TYK2: variants seen among roughly 807,000 people sequenced by gnomAD.
The protein encoded by TYK2 is tyrosine kinase 2, also known as non-receptor tyrosine-protein kinase TYK2.
Under a neutral mutation model 130.9 loss-of-function variants are expected in TYK2, and 65 were observed. The observed-to-expected ratio is 0.50, with a 90% CI of 0.41 to 0.61. TYK2 has a LOEUF of 0.61. Among genes scored for constraint, TYK2 ranks in the 20% least tolerant of loss-of-function variants. TYK2 has a pLI of 0.00. For missense variants in TYK2, 1,378 were observed against 1,610.7 expected, an observed-to-expected ratio of 0.86 and a Z score of 2.47; for synonymous variants, 647 against 658.9, an observed-to-expected ratio of 0.98 and a Z score of 0.28.
intron 3 of TYK2, among the ~76,000 whole-genome samples, chr19:10,377,939 AGGGTGGGTGGATGGGTGAAT>A (rs1230491101): frequency 5.9e-5 from 1 of 17,012 alleles, no homozygotes; most frequent in East Asian, 1.7e-3. Context: ...GATGGGTGAA[AGGGTGGGTGGATGGGTGAAT>A]GGGTGGGTGA....
chr19:10,353,122 A>G lies in TYK2; in HGVS notation c.3028-24T>C. ...CCCTGGGGACGGGGCAGGGCTCGTG[A>G]GTTTCAGTGGGGCGGGGTTCGGCCG... On this transcript the variant is annotated intron_variant, in intron 21 of 24. Coordinates refer to ENST00000525621, the MANE Select transcript of TYK2 (RefSeq NM_003331.5). The surrounding 1 kb of genome is among the most constrained non-coding windows in gnomAD (Gnocchi z 6.9). The G allele has an allele frequency of 2.0e-6, 3 of 1,466,034 alleles. No individual in the cohort carries two copies. Among genetic ancestry groups the G allele is most frequent in the South Asian group, 1.4e-5 (1 of 71,652 alleles). The allele number at this position is 1,466,034 out of a possible 1,614,324, so 90.8% of individuals were successfully genotyped here. A position where few individuals can be genotyped will look rare whatever the true frequency, so the allele number is the denominator to read the frequency against.
intron 3 of TYK2, among the ~76,000 whole-genome samples, chr19:10,375,072 G>A: frequency 6.6e-6 from 1 of 151,936 alleles, no homozygotes; most frequent in East Asian, 1.9e-4. Context: ...GGAGACTGAG[G>A]CAGGAAAATC....
chr19:10,365,628 A>G lies in TYK2; in HGVS notation c.900T>C (p.Pro300=). ...CAGCAGACTCAGGGCCAGGGTCTGT[A>G]GGGGCCACCCCACTGTCCCGGATGT... is the stretch of plus-strand genomic sequence containing the variant. The part of the protein sequence containing the change: ...PCYIRDSGVA[P]TDPGPESAAG... The change falls in exon 7 of 25, where the codon CCT becomes CCC. Residue 300 remains proline (P), a synonymous_variant. Transcript: ENST00000525621. The G allele has an allele frequency of 6.2e-7, 1 of 1,613,932 alleles. No homozygotes were observed. Among genetic ancestry groups the G allele is most frequent in the South Asian group, 1.1e-5 (1 of 91,076 alleles).
intron 6 of TYK2, among the ~76,000 whole-genome samples, 153 bp downstream of exon 6, chr19:10,366,264 G>A (rs538839850): frequency 1.3e-5 from 2 of 151,620 alleles, no homozygotes; most frequent in East Asian, 1.9e-4. Context: ...CCAAGATTGC[G>A]CCACTGTACT....
At chr19:10,373,843 A>C (rs183524100) in intron 3 of TYK2, among the ~76,000 whole-genome samples, 2 of 151,988 alleles carry the variant, frequency 1.3e-5, no homozygotes, top group East Asian at 3.9e-4. Flanking sequence ...AACTCTCAAA[A>C]TTGATACCCC....
At chr19:10,351,483 ATC>A in intron 23 of TYK2, 1 of 338,304 alleles carries the variant, frequency 3.0e-6, no homozygotes, top group Non-Finnish European at 5.7e-6. Context: ...GTGAAACTCC[ATC>A]TCAAAAAAGA....
rs2304252 is a variant in TYK2, at chr19:10,352,559, G to A, written c.3201-8C>T. On this transcript the variant is annotated splice_region_variant and splice_polypyrimidine_tract_variant and intron_variant, in intron 22 of 24. Coordinates refer to ENST00000525621, the MANE Select transcript of TYK2 (RefSeq NM_003331.5). Reference sequence around the variant, plus strand: ...AGGCACTCTGGGGCATACCTAGGGGGAGGGGGGCACTCAGGCCACGGGGGG... The same window carrying A: ...AGGCACTCTGGGGCATACCTAGGGGAAGGGGGGCACTCAGGCCACGGGGGG... 2.3e-3 allele frequency: 3,357 copies of A among 1,457,160 alleles called. 89 individuals carry two copies. The East Asian group carries it at 0.055, about 24-fold the overall frequency. 90.3% of individuals were successfully genotyped at this position (1,457,160 alleles called of 1,614,324 possible).
chr19:10,367,982 G>A (rs1461682291), intron 5 of TYK2, 73 bp downstream of exon 5: 3 of 1,555,878 alleles, frequency 1.9e-6, no homozygotes, highest in Non-Finnish European at 2.7e-6. Flanking sequence ...TTGAATCAGG[G>A]AGGGAAATGG....
chr19:10,356,235 C>T lies in TYK2; in HGVS notation c.2617+333G>A, dbSNP rs149383028. Among the ~76,000 whole-genome samples, 792 of 152,110 alleles carry T rather than the reference C, an allele frequency of 5.2e-3. 14 individuals carry two copies. The highest frequency in any genetic ancestry group is 0.03 in the East Asian group (156 of 5,168). On this transcript the variant is annotated intron_variant, in intron 18 of 24. Coordinates refer to ENST00000525621, the MANE Select transcript of TYK2 (RefSeq NM_003331.5). ...CTCTACTAAAAATACAAAAATTAGC[C>T]GGGCATGGTGGCACACGCTTGTAAT...
intron 2 of TYK2, 52 bp from the exon 3 acceptor site, chr19:10,378,478 T>TTAGC: frequency 6.7e-7 from 1 of 1,486,732 alleles, no homozygotes; most frequent in Middle Eastern, 2.3e-4. Flanking sequence ...GAGACCCCTG[T>TTAGC]TAGCTCTTCA....
Position 10,357,876 on chromosome 19 carries a change from G to A in TYK2, c.2354C>T (p.Pro785Leu), listed in dbSNP as rs2041180635. The A allele has an allele frequency of 6.2e-7, 1 of 1,613,570 alleles. No homozygotes were observed. ...GGTGCTTAGGCTGTTGGCCCCACCT[G>A]GTAGGCATTCGGGGGCCAGCCAGGG... ...RIPWLAPECL[P>L]GGANSLSTAM... Residue 785 changes from proline to leucine, a missense_variant, in exon 17 of 25, where the codon CCA (proline) becomes CTA (leucine). Physicochemically the swap from Pro to Leu is moderately conservative, Grantham distance 98. Coordinates refer to ENST00000525621, the MANE Select transcript of TYK2 (RefSeq NM_003331.5).
intron 5 of TYK2, 127 bp from the exon 6 acceptor site, chr19:10,366,707 A>G: frequency 1.1e-6 from 1 of 888,604 alleles, no homozygotes; most frequent in South Asian, 1.4e-5. Flanking sequence ...CATAAAATAC[A>G]CTAACACTAA....
intron 9 of TYK2, among the ~76,000 whole-genome samples, chr19:10,363,964 C>T (rs2041530085): frequency 2.0e-5 from 3 of 152,156 alleles, no homozygotes; most frequent in Admixed American, 6.5e-5. Context: ...TCACAAATCA[C>T]GACTTGGCAG....
At chr19:10,371,360 G>T (rs2041900525) in intron 3 of TYK2, among the ~76,000 whole-genome samples, 1 of 151,964 alleles carries the variant, frequency 6.6e-6, no homozygotes, top group Admixed American at 6.6e-5. Context: ...ATGAACTGTG[G>T]CTGGGCACAG....
chr19:10,376,752 A>ACG (rs1396120660), intron 3 of TYK2, among the ~76,000 whole-genome samples: 2 of 151,336 alleles, frequency 1.3e-5, no homozygotes, highest in Non-Finnish European at 2.9e-5. Flanking sequence ...ACAGGTGCGC[A>ACG]CCCCACGCCC....
intron 5 of TYK2, 62 bp from the exon 6 acceptor site, chr19:10,366,642 G>T: frequency 6.3e-7 from 1 of 1,595,466 alleles, no homozygotes. Context: ...TAGCCCAGAG[G>T]TATCCAATCT....
At chr19:10,375,296 G>T (rs755329907) in intron 3 of TYK2, among the ~76,000 whole-genome samples, 1 of 152,126 alleles carries the variant, frequency 6.6e-6, no homozygotes. Flanking sequence ...TCTGGAGGAA[G>T]GTATATGTAA....
chr19:10,352,885 G>A (rs756967420), intron 22 of TYK2, 41 bp downstream of exon 22: 21 of 1,546,466 alleles, frequency 1.4e-5, no homozygotes, highest in Non-Finnish European at 1.8e-5. Flanking sequence ...CCTGTTCCAA[G>A]TGACCCCAGC....
chr19:10,356,031 A>G (rs2041082785), intron 18 of TYK2, among the ~76,000 whole-genome samples: 2 of 151,982 alleles, frequency 1.3e-5, no homozygotes. Flanking sequence ...AAGAAAAAAA[A>G]AACTGCAGTG....
Sources: gnomAD v4.1 joint callset for allele counts (sites outside exome capture counted in the v4.1 genomes callset) on GRCh38, gnomAD v4.1.1 for gene constraint, Gnocchi (gnomAD v3.1) non-coding constraint, MANE v1.5 for transcripts, NCBI Gene and HGNC (gene_info 2026-07-23, HGNC 2026-07-21) for gene names.